Variants in CCSER1 observed in about 807,000 individuals in gnomAD.
The protein encoded by CCSER1 is serine-rich coiled-coil domain-containing protein 1.
CCSER1 carries 41 observed loss-of-function variants against 82.0 expected under a neutral mutation model. The ratio of observed to expected loss-of-function variants is 0.50; its 90% confidence interval spans 0.39 to 0.65. CCSER1 has a LOEUF of 0.65. CCSER1 is among the 30% of genes least tolerant of loss of function. The pLI is 0.00. For synonymous variants in CCSER1, 414 were observed against 383.9 expected, an observed-to-expected ratio of 1.08 and a Z score of -0.92; for missense variants, 1,119 against 1,064.2, an observed-to-expected ratio of 1.05 and a Z score of -0.72.
intron 4 of CCSER1, among the ~76,000 whole-genome samples, chr4:90,413,467 AACCATAAAAGAGCTC>A (rs1437008544): frequency 1.3e-5 from 2 of 152,160 alleles, no homozygotes; most frequent in Non-Finnish European, 2.9e-5. Flanking sequence ...ATTCATATGG[AACCATAAAAGAGCTC>A]ACATAGCCAA....
intron 5 of CCSER1, among the ~76,000 whole-genome samples, chr4:90,549,389 A>G (rs1292674268): frequency 1.3e-5 from 2 of 152,220 alleles, no homozygotes; most frequent in African/African-American, 2.4e-5. Flanking sequence ...AAGAAGTGCC[A>G]TAAGAGAAGT....
chr4:91,054,738 T>G (rs1581435851), intron 9 of CCSER1, among the ~76,000 whole-genome samples: 1 of 152,086 alleles, frequency 6.6e-6, no homozygotes, highest in East Asian at 1.9e-4. Flanking sequence ...TGGGGGTGGA[T>G]TTGGAAGTGT....
rs113730063 is a variant in CCSER1, at chr4:91,164,968, C to G, written c.2217+78974C>G. On this transcript the variant is annotated intron_variant, in intron 10 of 10. Coordinates refer to ENST00000509176, the MANE Select transcript of CCSER1 (RefSeq NM_001145065.2). ...AAGTCATTCTCCGTCCACCTTTTTT[C>G]CATTGCTGGCGAGGAGCTGTGATCC... Among the ~76,000 whole-genome samples the G allele has an allele frequency of 8.9e-3, 1,355 of 152,250 alleles. 19 individuals are homozygous for G. Among genetic ancestry groups the G allele is most frequent in the African/African-American group, 0.031 (1,270 of 41,546 alleles).
At chr4:91,102,083 C>T (rs1042786259) in intron 10 of CCSER1, among the ~76,000 whole-genome samples, 23 of 152,096 alleles carry the variant, frequency 1.5e-4, no homozygotes, top group African/African-American at 4.6e-4. Context: ...CAGAGGAGCT[C>T]GTGCAGATCG....
chr4:90,748,119 C>T (rs1747844826), intron 7 of CCSER1, among the ~76,000 whole-genome samples: 1 of 146,462 alleles, frequency 6.8e-6, no homozygotes, highest in African/African-American at 2.5e-5. Context: ...ATGTGCCATG[C>T]TGGTGCGCTG....
At chr4:90,399,561 T>C (rs983072016) in intron 3 of CCSER1, among the ~76,000 whole-genome samples, 6 of 152,122 alleles carry the variant, frequency 3.9e-5, no homozygotes, top group African/African-American at 1.4e-4. Flanking sequence ...GAAATATAAA[T>C]ATTAGAAAAA....
chr4:90,867,676 C>T (rs1027123305), intron 8 of CCSER1, among the ~76,000 whole-genome samples: 2 of 151,586 alleles, frequency 1.3e-5, no homozygotes, highest in African/African-American at 4.8e-5. Context: ...TAACCATTAC[C>T]CTCTTCCCCC....
intron 1 of CCSER1, among the ~76,000 whole-genome samples, chr4:90,227,922 A>C (rs978547148): frequency 8.5e-5 from 13 of 152,214 alleles, no homozygotes; most frequent in Admixed American, 7.2e-4. Flanking sequence ...GACGGGCTTA[A>C]AAAACGCCGC....
chr4:90,178,536 A>G (rs1156999085), intron 1 of CCSER1, among the ~76,000 whole-genome samples: 1 of 152,076 alleles, frequency 6.6e-6, no homozygotes, highest in East Asian at 1.9e-4. Flanking sequence ...GACATTTATT[A>G]TATTATTATG....
chr4:91,059,301 T>C (rs1423828815), intron 9 of CCSER1, among the ~76,000 whole-genome samples: 1 of 150,486 alleles, frequency 6.6e-6, no homozygotes. Flanking sequence ...TGTGTGTATA[T>C]ATATACGTGT....
chr4:91,208,758 T>C (rs940025542), intron 10 of CCSER1, among the ~76,000 whole-genome samples: 2 of 151,866 alleles, frequency 1.3e-5, no homozygotes, highest in Non-Finnish European at 2.9e-5. Flanking sequence ...CTGTGAAGAA[T>C]GGTAGTTTGA....
chr4:90,611,207 ATTC>A lies in CCSER1; in HGVS notation c.1725-16815_1725-16813del, dbSNP rs371897262. On this transcript the variant is annotated intron_variant, in intron 5 of 10. Coordinates refer to ENST00000509176, the MANE Select transcript of CCSER1 (RefSeq NM_001145065.2). ...AGCCACCGCGCCCAGCCCAGTTCAT[ATTC>A]TTAACAAGCAAATGAAAAAAGCTGT... Among the ~76,000 whole-genome samples, 43 of 151,822 alleles carry A rather than the reference ATTC, an allele frequency of 2.8e-4. No individual in the cohort carries two copies. In the East Asian group the frequency reaches 7.8e-3, roughly 27 times the overall value.
At position 90,366,241 on chromosome 4, in the gene CCSER1, A is replaced by G. The variant is rs748097608; in HGVS notation, c.1510-33795A>G. ...CCAAATAAATATCTTAGCAAATACTACTTTCTATTCAGGTTCATTTATAAC... is the reference window on the plus strand; with the variant it reads ...CCAAATAAATATCTTAGCAAATACTGCTTTCTATTCAGGTTCATTTATAAC... On this transcript the variant is annotated intron_variant, in intron 3 of 10. Transcript: ENST00000509176. Among the ~76,000 whole-genome samples the G allele has an allele frequency of 2.3e-4, 35 of 149,452 alleles. 1 individual carries two copies. The highest frequency in any genetic ancestry group is 4.7e-4 in the Non-Finnish European group (31 of 66,512).
intron 1 of CCSER1, among the ~76,000 whole-genome samples, chr4:90,130,910 C>CGCCCT (rs1218469940): frequency 1.3e-5 from 2 of 152,078 alleles, no homozygotes; most frequent in Non-Finnish European, 2.9e-5. Flanking sequence ...TGACCCACTG[C>CGCCCT]GCCCTGCCCA....
chr4:90,288,829 AC>A (rs1382419051), intron 1 of CCSER1, among the ~76,000 whole-genome samples: 1 of 151,968 alleles, frequency 6.6e-6, no homozygotes, highest in Non-Finnish European at 1.5e-5. Context: ...TTACAAAAAA[AC>A]AAGCAAATTT....
chr4:90,514,360 G>A (rs866499699), intron 5 of CCSER1, among the ~76,000 whole-genome samples: 7 of 152,082 alleles, frequency 4.6e-5, no homozygotes, highest in South Asian at 4.2e-4. Flanking sequence ...TTTCTGTGGT[G>A]TATTTCTTTA....
chr4:90,380,943 G>T (rs1204371937), intron 3 of CCSER1, among the ~76,000 whole-genome samples: 2 of 152,248 alleles, frequency 1.3e-5, no homozygotes, highest in Admixed American at 1.3e-4. Context: ...TGTGCTAAGT[G>T]AGAAATAAGC....
intron 10 of CCSER1, among the ~76,000 whole-genome samples, chr4:91,243,828 C>G (rs1027001575): frequency 6.6e-6 from 1 of 152,158 alleles, no homozygotes; most frequent in Admixed American, 6.5e-5. Context: ...TGACCTAGCA[C>G]GTTCCCACCT....
intron 10 of CCSER1, among the ~76,000 whole-genome samples, chr4:91,561,631 T>C (rs570687421): frequency 3.3e-5 from 5 of 151,654 alleles, no homozygotes; most frequent in African/African-American, 9.6e-5. Flanking sequence ...GGGGAAAATC[T>C]TGATCTTGTT....
Sources: gnomAD v4.1 joint callset for allele counts (sites outside exome capture counted in the v4.1 genomes callset) on GRCh38, gnomAD v4.1.1 for gene constraint, MANE v1.5 for transcripts, NCBI Gene and HGNC (gene_info 2026-07-23, HGNC 2026-07-21) for gene names.